Variants in CTBP2 observed in about 807,000 individuals in gnomAD.
The protein encoded by CTBP2 is C-terminal-binding protein 2.
In CTBP2, 30 loss-of-function variants were observed where a neutral mutation model predicts 80.3. That is an observed-to-expected ratio of 0.37 (90% CI 0.28 to 0.51). The LOEUF is 0.51. Ranked by LOEUF, CTBP2 falls within the 20% of genes least tolerant of loss-of-function variation. The probability of loss-of-function intolerance (pLI) is 0.93; values close to 1 mark genes in which losing one functional copy is unlikely to be tolerated. For missense variants in CTBP2, 1,212 were observed against 1,375.3 expected, an observed-to-expected ratio of 0.88 and a Z score of 1.88; for synonymous variants, 594 against 587.4, an observed-to-expected ratio of 1.01 and a Z score of -0.16.
intron 2 of CTBP2, among the ~76,000 whole-genome samples, chr10:125,055,170 G>C (rs1251460740): frequency 6.6e-6 from 1 of 152,138 alleles, no homozygotes; most frequent in Admixed American, 6.5e-5. Flanking sequence ...CTTAAAAGTG[G>C]TCCTTGAACT....
At chr10:125,152,063 G>C (rs1860047683) in intron 1 of CTBP2, among the ~76,000 whole-genome samples, 1 of 152,012 alleles carries the variant, frequency 6.6e-6, no homozygotes, top group Non-Finnish European at 1.5e-5. Flanking sequence ...GGCCAGGGTG[G>C]GGCCGCCAAG....
chr10:125,097,921 G>A (rs1039550757), intron 2 of CTBP2, among the ~76,000 whole-genome samples: 2 of 152,162 alleles, frequency 1.3e-5, no homozygotes, highest in Non-Finnish European at 2.9e-5. Flanking sequence ...CTTGAGGTCA[G>A]GAGTTTGAGA....
In CTBP2 at chr10:124,986,200, A is replaced by ATT. The variant is rs1266397990; in HGVS notation, c.*3317_*3318insAA. On this transcript the variant is annotated 3_prime_UTR_variant, in exon 9 of 9. Coordinates refer to ENST00000309035, the MANE Select transcript of CTBP2 (RefSeq NM_022802.3). ...GTAAAAATTTCAGACCTATCTCAGG[A>ATT]ACACAGAAATATTTGGTGTCCTGAT... 1 of 152,450 alleles carries ATT rather than the reference A, an allele frequency of 6.6e-6. No homozygotes were observed. Among genetic ancestry groups the ATT allele is most frequent in the Non-Finnish European group, 1.5e-5 (1 of 68,000 alleles). 9.4% of individuals were successfully genotyped at this position (152,450 alleles called of 1,614,324 possible). A position where few individuals can be genotyped will look rare whatever the true frequency, so the allele number is the denominator to read the frequency against.
chr10:125,158,820 G>C (rs1364925527), intron 1 of CTBP2: 1 of 151,708 alleles, frequency 6.6e-6, no homozygotes, highest in Admixed American at 6.6e-5. Flanking sequence ...GCGGGGGGAG[G>C]GGGGACAACC....
At chr10:125,082,041 G>A (rs923682686) in intron 2 of CTBP2, among the ~76,000 whole-genome samples, 1 of 152,178 alleles carries the variant, frequency 6.6e-6, no homozygotes, top group African/African-American at 2.4e-5. Flanking sequence ...ATTCCACACG[G>A]CCACAGTACA....
intron 1 of CTBP2, among the ~76,000 whole-genome samples, chr10:125,135,095 G>T (rs1172299179): frequency 6.6e-6 from 1 of 152,100 alleles, no homozygotes. Context: ...CTAGAGGGGA[G>T]CCCCTTCTTG....
At chr10:125,016,571 AG>A (rs1456964946) in intron 1 of CTBP2, among the ~76,000 whole-genome samples, 1 of 152,242 alleles carries the variant, frequency 6.6e-6, no homozygotes, top group Non-Finnish European at 1.5e-5. Flanking sequence ...GCCAAGGCTG[AG>A]ATGGGAGAGG....
rs1056467414 is a variant in CTBP2, at chr10:125,027,845, G to A, written c.-86C>T. 4.9e-6 allele frequency: 7 copies of A among 1,442,504 alleles called. No homozygotes were observed. The African/African-American group carries it at 7.1e-5, about 15-fold the overall frequency. The allele number at this position is 1,442,504 out of a possible 1,614,324, so 89.4% of individuals were successfully genotyped here. On this transcript the variant is annotated 5_prime_UTR_variant, in exon 1 of 9. Coordinates refer to ENST00000309035, the MANE Select transcript of CTBP2 (RefSeq NM_022802.3). ...ACATACATCAAAAACAGACCTGGCT[G>A]TGTGCTAACCCTTCCGAGACGGCAG...
intron 1 of CTBP2, among the ~76,000 whole-genome samples, chr10:125,023,956 G>A (rs950526016): frequency 6.6e-6 from 1 of 152,150 alleles, no homozygotes; most frequent in Non-Finnish European, 1.5e-5. Context: ...TGAGTTAGGC[G>A]GCACCAGAAC....
chr10:125,133,425 C>G (rs1565001024), intron 1 of CTBP2: 1 of 152,162 alleles, frequency 6.6e-6, no homozygotes, highest in African/African-American at 2.4e-5. Flanking sequence ...AAAATCTCAG[C>G]AAAGAGTTTC....
At position 125,069,293 on chromosome 10, in the gene CTBP2, C is replaced by T. The variant is rs75600809; in HGVS notation, c.-101-30138G>A. Reference sequence around the variant, plus strand: ...TATTGGAATTAGTCCAACTTGTAAACGCCCACAATGATGAGTTTCAAACAC... The same window carrying T: ...TATTGGAATTAGTCCAACTTGTAAATGCCCACAATGATGAGTTTCAAACAC... On this transcript the variant is annotated intron_variant, in intron 2 of 10. Transcript: ENST00000337195. Among the ~76,000 whole-genome samples the T allele has an allele frequency of 9.3e-3, 1,415 of 152,304 alleles. 31 individuals are homozygous for T. The highest frequency in any genetic ancestry group is 0.032 in the African/African-American group (1,347 of 41,562).
intron 1 of CTBP2, among the ~76,000 whole-genome samples, chr10:125,159,166 G>C (rs1188296734): frequency 6.6e-6 from 1 of 151,058 alleles, no homozygotes; most frequent in East Asian, 2.0e-4. Context: ...GCCGCGGAGG[G>C]CTGGGAGGAG....
chr10:125,161,682 G>C (rs1861905082), upstream of CTBP2, among the ~76,000 whole-genome samples: 1 of 151,768 alleles, frequency 6.6e-6, no homozygotes, highest in African/African-American at 2.4e-5. Flanking sequence ...GCAGTGCTGT[G>C]CCCTAAAAGA....
chr10:125,055,205 TCA>T (rs1230349364), intron 2 of CTBP2, among the ~76,000 whole-genome samples: 1 of 152,276 alleles, frequency 6.6e-6, no homozygotes, highest in East Asian at 1.9e-4. Flanking sequence ...GTCTGAGCTC[TCA>T]GAGAAAAAGA....
In CTBP2 at chr10:125,026,546, C is replaced by A; in HGVS notation, c.1214G>T (p.Arg405Leu). The A allele has an allele frequency of 1.9e-6, 3 of 1,573,146 alleles. No individual in the cohort carries two copies. The highest frequency in any genetic ancestry group is 2.6e-6 in the Non-Finnish European group (3 of 1,160,386). ...GTGCTGAGATGGTGCGCTGGAGGGA[C>A]GGCGAGCCGGGTCTCCAGCTCGGGG... Residue 405 changes from arginine (R) to leucine (L), a missense_variant, in exon 1 of 9, where the codon CGT becomes CTT. By Grantham distance (102) the Arg-to-Leu change is moderately radical. This residue lies in a region of CTBP2 where 848 missense variants were observed against 782.3 expected (regional missense o/e 1.08). Transcript: ENST00000309035.
rs937602647 is a variant in CTBP2, at chr10:124,997,864, C to G, written c.2185+100G>C. On this transcript the variant is annotated intron_variant, in intron 4 of 8. Transcript: ENST00000309035. ...AGGGTGCTGGCCCTGCCTGCCCTGG[C>G]TCCTCAAGAGCAGGCTGGGGTTGCC... The G allele has an allele frequency of 4.6e-6, 6 of 1,297,968 alleles. No individual in the cohort carries two copies. In the African/African-American group the frequency reaches 8.8e-5, roughly 19 times the overall value. 80.4% of individuals were successfully genotyped at this position (1,297,968 alleles called of 1,614,324 possible).
At chr10:125,102,582 T>C in intron 2 of CTBP2, among the ~76,000 whole-genome samples, 1 of 152,214 alleles carries the variant, frequency 6.6e-6, no homozygotes, top group Non-Finnish European at 1.5e-5. Flanking sequence ...GCTGTCGCCC[T>C]GTGTCATGGT....
At position 124,987,167 on chromosome 10, in the gene CTBP2, A is replaced by AAAAC. The variant is rs1444747971; in HGVS notation, c.*2347_*2350dup. On this transcript the variant is annotated 3_prime_UTR_variant, in exon 9 of 9. Transcript: ENST00000309035. ...TGCTATATTATGCTCTTGAACTATTAAAACAGCCATAATTATTGTCCCAAG... is the reference window on the plus strand; with the variant it reads ...TGCTATATTATGCTCTTGAACTATTAAAACAAACAGCCATAATTATTGTCCCAAG... 1.3e-5 allele frequency: 2 copies of AAAAC among 151,616 alleles called. No individual in the cohort carries two copies. Among genetic ancestry groups the AAAAC allele is most frequent in the South Asian group, 2.1e-4 (1 of 4,772 alleles). The allele number at this position is 151,616 out of a possible 1,614,324, so 9.4% of individuals were successfully genotyped here. A position where few individuals can be genotyped will look rare whatever the true frequency, so the allele number is the denominator to read the frequency against.
intron 1 of CTBP2, among the ~76,000 whole-genome samples, chr10:125,004,603 G>A (rs1254522083): frequency 6.6e-6 from 1 of 152,198 alleles, no homozygotes; most frequent in African/African-American, 2.4e-5. Context: ...CCAGGAAGGG[G>A]CAATGTCTCT....
Sources: gnomAD v4.1 joint callset for allele counts (sites outside exome capture counted in the v4.1 genomes callset) on GRCh38, gnomAD v4.1.1 for gene constraint, gnomAD v4.1.1 regional missense constraint, MANE v1.5 for transcripts, NCBI Gene and HGNC (gene_info 2026-07-23, HGNC 2026-07-21) for gene names.